SLC22A15: variants seen among roughly 807,000 people sequenced by gnomAD.
SLC22A15 encodes flipt 1.
A neutral mutation model predicts 62.7 loss-of-function variants in SLC22A15; 45 were observed. The ratio of observed to expected loss-of-function variants is 0.72; its 90% CI spans 0.56 to 0.92. The LOEUF is 0.92. Among genes scored for constraint, SLC22A15 ranks in the 40% least tolerant of loss-of-function variants. SLC22A15 has a pLI of 0.00. For synonymous variants in SLC22A15, 264 were observed against 267.0 expected, an observed-to-expected ratio of 0.99 and a Z score of 0.11; for missense variants, 622 against 665.6, an observed-to-expected ratio of 0.93 and a Z score of 0.72.
intron 6 of SLC22A15, 99 bp from the exon 7 acceptor site, chr1:116,035,088 T>C: frequency 1.6e-6 from 2 of 1,266,608 alleles, no homozygotes; most frequent in Admixed American, 4.4e-5. Context: ...CAAGCAATTA[T>C]ATTGAACCAA....
At chr1:116,001,082 G>T (rs917421959) in intron 2 of SLC22A15, among the ~76,000 whole-genome samples, 3 of 151,960 alleles carry the variant, frequency 2.0e-5, no homozygotes, top group Non-Finnish European at 4.4e-5. Flanking sequence ...ATGTTTCAAG[G>T]ATACTTTTAC....
intron 8 of SLC22A15, among the ~76,000 whole-genome samples, chr1:116,042,237 C>T (rs1657808044): frequency 6.6e-6 from 1 of 150,668 alleles, no homozygotes; most frequent in Admixed American, 6.6e-5. Flanking sequence ...AATTAAGAGA[C>T]AAGAATATTA....
At chr1:116,040,448 G>A (rs1657746930) in intron 8 of SLC22A15, among the ~76,000 whole-genome samples, 1 of 152,110 alleles carries the variant, frequency 6.6e-6, no homozygotes. Context: ...TATGCAGAAG[G>A]TATTATATAT....
At chr1:116,047,927 T>G (rs1352103653) in intron 8 of SLC22A15, among the ~76,000 whole-genome samples, 1 of 151,892 alleles carries the variant, frequency 6.6e-6, no homozygotes, top group Non-Finnish European at 1.5e-5. Context: ...CTTATAGAAA[T>G]GCAAAATGCT....
intron 9 of SLC22A15, among the ~76,000 whole-genome samples, chr1:116,063,965 TGAGTTTAAATAAATG>T (rs1658440371): frequency 2.0e-5 from 3 of 152,180 alleles, no homozygotes; most frequent in Non-Finnish European, 2.9e-5. Flanking sequence ...ATTAGTTAGT[TGAGTTTAAATAAATG>T]AGCAGCCTTT....
At chr1:116,063,017 A>G in intron 9 of SLC22A15, 135 bp downstream of exon 9, 2 of 1,162,664 alleles carry the variant, frequency 1.7e-6, no homozygotes, top group Non-Finnish European at 2.5e-6. Flanking sequence ...CAAGCAGTTT[A>G]GGGTGAGAGC....
At position 116,026,910 on chromosome 1, in the gene SLC22A15, T is replaced by C; in HGVS notation, c.616T>C (p.Phe206Leu). 6.2e-7 allele frequency: 1 copy of C among 1,613,558 alleles called. No homozygotes were observed. Among genetic ancestry groups the C allele is most frequent in the Non-Finnish European group, 8.5e-7 (1 of 1,179,830 alleles). Residue 206 changes from phenylalanine to leucine, a missense_variant, in exon 5 of 12, where the codon TTC (phenylalanine) becomes CTC (leucine). By Grantham distance (22) the Phe-to-Leu change is conservative. Coordinates refer to ENST00000369503, the MANE Select transcript of SLC22A15 (RefSeq NM_018420.3). ...WALAGSIGGL[F>L]FAVGIAQYAL... ...TGAATTAGGATCGATTGGCGGCCTG[T>C]TCTTTGCAGTTGGCATTGCCCAATA...
At chr1:116,014,298 C>T (rs145599394) in intron 2 of SLC22A15, among the ~76,000 whole-genome samples, 10 of 152,310 alleles carry the variant, frequency 6.6e-5, no homozygotes, top group Admixed American at 3.9e-4. Context: ...GAGGCACCTG[C>T]TATTGGTTCT....
intron 2 of SLC22A15, among the ~76,000 whole-genome samples, chr1:116,012,603 A>G (rs1025071604): frequency 1.3e-5 from 2 of 152,226 alleles, no homozygotes; most frequent in African/African-American, 4.8e-5. Flanking sequence ...AAGTCAATTA[A>G]AAAATGGAAA....
intron 2 of SLC22A15, among the ~76,000 whole-genome samples, chr1:115,997,023 A>G (rs1655463557): frequency 6.6e-6 from 1 of 152,058 alleles, no homozygotes; most frequent in South Asian, 2.1e-4. Flanking sequence ...AAATGGTAAG[A>G]GTGGACATCC....
intron 1 of SLC22A15, among the ~76,000 whole-genome samples, chr1:115,987,236 G>C: frequency 6.6e-6 from 1 of 150,872 alleles, no homozygotes; most frequent in African/African-American, 2.5e-5. Flanking sequence ...CGCAATCTCG[G>C]CTCACTGCAA....
intron 4 of SLC22A15, among the ~76,000 whole-genome samples, chr1:116,021,439 A>G (rs553282380): frequency 9.8e-5 from 15 of 152,332 alleles, no homozygotes; most frequent in Admixed American, 3.9e-4. Context: ...ATGATTTTAA[A>G]AGGTTATTTA....
chr1:116,066,262 A>G (rs1380412338), intron 10 of SLC22A15, among the ~76,000 whole-genome samples: 1 of 152,204 alleles, frequency 6.6e-6, no homozygotes, highest in Non-Finnish European at 1.5e-5. Flanking sequence ...CACCCCGGAC[A>G]TGAAATTGCT....
At chr1:116,049,347 G>A (rs1429693858) in intron 8 of SLC22A15, among the ~76,000 whole-genome samples, 1 of 152,040 alleles carries the variant, frequency 6.6e-6, no homozygotes, top group Non-Finnish European at 1.5e-5. Flanking sequence ...TATATGATAA[G>A]CCCTAAAATG....
In SLC22A15 at chr1:116,067,204, G is replaced by C. The variant is rs1430674389; in HGVS notation, c.*96G>C. The C allele has an allele frequency of 2.1e-6, 2 of 944,104 alleles. No homozygotes were observed. Among genetic ancestry groups the C allele is most frequent in the East Asian group, 5.2e-5 (2 of 38,386 alleles). The allele number at this position is 944,104 out of a possible 1,614,324, so 58.5% of individuals were successfully genotyped here. The stretch of plus-strand genomic sequence containing the variant: ...GACTCCTAAGAGAGTTGTAAAAATA[G>C]AGGCTTGGCTTGAATGTACATAGAT... On this transcript the variant is annotated 3_prime_UTR_variant, in exon 12 of 12. Transcript: ENST00000369503.
chr1:116,027,401 G>A, intron 5 of SLC22A15: 5 of 511,564 alleles, frequency 9.8e-6, no homozygotes, highest in South Asian at 7.0e-5. Context: ...TATTGGATAT[G>A]TAGTGACAAC....
At chr1:116,052,549 G>A (rs528443201) in intron 8 of SLC22A15, among the ~76,000 whole-genome samples, 23 of 152,326 alleles carry the variant, frequency 1.5e-4, no homozygotes, top group Non-Finnish European at 3.1e-4. Flanking sequence ...TTTGAGGAGA[G>A]CAGTGGTTCT....
At chr1:116,026,754 T>A (rs1393784036) in intron 4 of SLC22A15, 139 bp from the exon 5 acceptor site, 11 of 903,504 alleles carry the variant, frequency 1.2e-5, no homozygotes, top group Non-Finnish European at 1.5e-5. Context: ...GATTTTTTTT[T>A]CTTTTCTGGT....
At chr1:116,054,552 T>G (rs1012054092) in intron 8 of SLC22A15, among the ~76,000 whole-genome samples, 148 of 152,224 alleles carry the variant, frequency 9.7e-4, no homozygotes, top group African/African-American at 3.3e-3. Context: ...TGCACCAAGC[T>G]GACCTAATAG....
Sources: allele counts gnomAD v4.1 joint callset (sites outside exome capture counted in the v4.1 genomes callset), GRCh38; gene constraint gnomAD v4.1.1; transcripts MANE v1.5; gene names NCBI Gene and HGNC (gene_info 2026-07-23, HGNC 2026-07-21).